Variants in HDAC4 observed in about 807,000 individuals in gnomAD.
HDAC4 encodes the protein histone deacetylase A.
In HDAC4, 16 loss-of-function variants were observed where a neutral mutation model predicts 135.1. That is an observed-to-expected ratio of 0.12 (90% CI 0.08 to 0.18). The LOEUF (loss-of-function observed/expected upper bound fraction) is 0.18. Among genes scored for constraint, HDAC4 ranks in the 10% least tolerant of loss-of-function variants. The probability of loss-of-function intolerance (pLI) is 1.00; values close to 1 mark genes in which losing one functional copy is unlikely to be tolerated. For synonymous variants in HDAC4, 685 were observed against 653.4 expected (o/e 1.05, Z -0.74); for missense variants, 1,143 against 1,511.8 (o/e 0.76, Z 4.05).
intron 2 of HDAC4, among the ~76,000 whole-genome samples, chr2:239,346,989 CCTGT>C (rs1393672563): frequency 1.1e-3 from 98 of 88,082 alleles, no homozygotes; most frequent in African/African-American, 3.0e-3. Context: ...ACACACACAC[CCTGT>C]CTAAAACACA....
Position 239,061,785 on chromosome 2 carries a change from G to A in HDAC4, c.3003+4937C>T, listed in dbSNP as rs369287128. ...TAACTAATAAGCTAAACTCCCGGGG[G>A]AAAACCTTTTCCACACGACACCACC... On this transcript the variant is annotated intron_variant, in intron 24 of 26. Coordinates refer to ENST00000543185, the MANE Select transcript of HDAC4 (RefSeq NM_001378414.1). Among the ~76,000 whole-genome samples the A allele has an allele frequency of 3.9e-5, 6 of 152,340 alleles. No individual in the cohort carries two copies. In the South Asian group the frequency reaches 6.2e-4, roughly 16 times the overall value.
In HDAC4 at chr2:239,163,843, G is replaced by A. The variant is rs886044037; in HGVS notation, c.571C>T (p.Leu191=). 3.7e-6 allele frequency: 6 copies of A among 1,614,206 alleles called. No homozygotes were observed. The African/African-American group carries it at 6.7e-5, about 18-fold the overall frequency. Residue 191 remains leucine, a synonymous_variant, in exon 6 of 27, where the codon CTG becomes TTG. Transcript: ENST00000543185. ...NKKKALAHRN[L]NHCISSDPRY... Reference sequence around the variant, plus strand: ...GGGTCGCTGGAAATGCAGTGGTTCAGATTCCGGTGGGCCAGCGCCTTCTTT... The same window carrying A: ...GGGTCGCTGGAAATGCAGTGGTTCAAATTCCGGTGGGCCAGCGCCTTCTTT...
At chr2:239,278,907 A>T (rs535745667) in intron 2 of HDAC4, among the ~76,000 whole-genome samples, 2 of 152,286 alleles carry the variant, frequency 1.3e-5, no homozygotes, top group South Asian at 4.1e-4. Flanking sequence ...CCAGCTACTC[A>T]GGAGGGCGCC....
chr2:239,296,952 T>A lies in HDAC4; in HGVS notation c.22+55726A>T, dbSNP rs530482152. Among the ~76,000 whole-genome samples the A allele has an allele frequency of 2.7e-3, 398 of 147,044 alleles. 2 individuals are homozygous for A. The highest frequency in any genetic ancestry group is 9.4e-3 in the African/African-American group (371 of 39,424). On this transcript the variant is annotated intron_variant, in intron 2 of 26. Transcript: ENST00000543185. ...TGTCCCCGCCAAAGAAGTGATCAGC[T>A]CTCCAGATGGCTCCAAAAGATGTTC...
intron 2 of HDAC4, among the ~76,000 whole-genome samples, chr2:239,278,327 T>TA (rs143003138): frequency 0.054 from 8,160 of 151,068 alleles, 236 homozygotes; most frequent in East Asian, 0.079. Context: ...AGCATTTGTT[T>TA]AAAAAAAAAA....
chr2:239,163,736 C>T (rs1057322521), intron 6 of HDAC4, 67 bp downstream of exon 6: 19 of 1,535,800 alleles, frequency 1.2e-5, no homozygotes, highest in Middle Eastern at 1.9e-4. Context: ...TGCAAATCTA[C>T]CGGCGATCAG....
At chr2:239,322,999 G>A (rs2053364891) in intron 2 of HDAC4, among the ~76,000 whole-genome samples, 1 of 152,182 alleles carries the variant, frequency 6.6e-6, no homozygotes, top group Non-Finnish European at 1.5e-5. Flanking sequence ...TCTTGATGAT[G>A]AGGGTGACTC....
intron 4 of HDAC4, chr2:239,187,085 A>C (rs943909439): frequency 6.5e-6 from 1 of 152,742 alleles, no homozygotes; most frequent in African/African-American, 2.4e-5. Context: ...AGGGCTCACC[A>C]GGGTGCAGTG....
chr2:239,096,805 T>C (rs186772381), intron 16 of HDAC4, among the ~76,000 whole-genome samples: 2 of 149,226 alleles, frequency 1.3e-5, no homozygotes, highest in East Asian at 4.0e-4. Context: ...CAGGCCCTAG[T>C]GTGAGGCCCG....
chr2:239,102,133 G>A (rs1287631972), intron 16 of HDAC4, among the ~76,000 whole-genome samples: 2 of 124,302 alleles, frequency 1.6e-5, no homozygotes, highest in Admixed American at 7.8e-5. Flanking sequence ...CCCCCGGCCC[G>A]GGGTCTGGGT....
At chr2:239,385,089 C>G (rs1441765068) in intron 1 of HDAC4, among the ~76,000 whole-genome samples, 1 of 152,212 alleles carries the variant, frequency 6.6e-6, no homozygotes, top group African/African-American at 2.4e-5. Context: ...TTGGCTCTCT[C>G]TCCTGAGAAG....
In HDAC4 at chr2:239,094,923, C is replaced by T. The variant is rs2036866854; in HGVS notation, c.2280+87G>A. ...GAAAACACCTGGCAGCAATTATTCA[C>T]TTTGAGGGAAGCAAGGCTGCGATTT... On this transcript the variant is annotated intron_variant, in intron 17 of 26. Transcript: ENST00000543185. The T allele has an allele frequency of 6.8e-6, 11 of 1,608,848 alleles. No individual in the cohort carries two copies. In the South Asian group the frequency reaches 1.2e-4, roughly 18 times the overall value.
intron 17 of HDAC4, chr2:239,094,615 C>A: frequency 8.7e-7 from 1 of 1,144,118 alleles, no homozygotes; most frequent in Non-Finnish European, 1.1e-6. Flanking sequence ...GGGAGCCCCA[C>A]CTGTAGCTTC....
intron 6 of HDAC4, among the ~76,000 whole-genome samples, chr2:239,160,886 GT>G (rs1559534132): frequency 6.6e-6 from 1 of 152,270 alleles, no homozygotes; most frequent in African/African-American, 2.4e-5. Flanking sequence ...CTGCCTGCCT[GT>G]TTTCCCACGT....
chr2:239,304,273 G>A (rs1361043285), intron 2 of HDAC4, among the ~76,000 whole-genome samples: 1 of 152,166 alleles, frequency 6.6e-6, no homozygotes, highest in African/African-American at 2.4e-5. Flanking sequence ...TGAGCTCGGG[G>A]GAAGGAGTCC....
At chr2:239,371,982 G>C (rs1157306431) in intron 1 of HDAC4, among the ~76,000 whole-genome samples, 1 of 152,246 alleles carries the variant, frequency 6.6e-6, no homozygotes, top group Non-Finnish European at 1.5e-5. Context: ...GACGGGAGCA[G>C]CTGCACCCGC....
chr2:239,342,226 T>A (rs1401544018), intron 2 of HDAC4, among the ~76,000 whole-genome samples: 40 of 145,572 alleles, frequency 2.7e-4, no homozygotes, highest in African/African-American at 8.3e-4. Flanking sequence ...AATTTAAAAT[T>A]AAAAAAAAAA....
intron 3 of HDAC4, among the ~76,000 whole-genome samples, chr2:239,234,671 G>A (rs1334031739): frequency 6.6e-6 from 1 of 152,264 alleles, no homozygotes; most frequent in Middle Eastern, 3.4e-3. Context: ...TCAGCAACTC[G>A]CCTAAGCTCC....
rs142675984 is a variant in HDAC4, at chr2:239,349,761, C to A, written c.22+2917G>T. ...CAGACACGGCAGGGAAAGATGACAG[C>A]GGACAGGGCAGAGGAGGCAGCCAGC... On this transcript the variant is annotated intron_variant, in intron 2 of 26. Transcript: ENST00000543185. The surrounding 1 kb of genome is among the most constrained non-coding windows in gnomAD (Gnocchi z 5.7). Among the ~76,000 whole-genome samples, 1 of 152,200 alleles carries A rather than the reference C, an allele frequency of 6.6e-6. No homozygotes were observed. The highest frequency in any genetic ancestry group is 2.4e-5 in the African/African-American group (1 of 41,462).
Sources: gnomAD v4.1 joint callset for allele counts (sites outside exome capture counted in the v4.1 genomes callset) on GRCh38, gnomAD v4.1.1 for gene constraint, Gnocchi (gnomAD v3.1) non-coding constraint, MANE v1.5 for transcripts, NCBI Gene and HGNC (gene_info 2026-07-23, HGNC 2026-07-21) for gene names.